The following KHDRBS2 variants were observed in gnomAD, a reference collection of about 807,000 sequenced individuals.
The protein encoded by KHDRBS2 is KH RNA binding domain containing, signal transduction associated 2, also known as KH domain-containing, RNA-binding, signal transduction-associated protein 2.
In KHDRBS2, 26 loss-of-function variants were observed where a neutral mutation model predicts 44.3. The observed-to-expected ratio is 0.59, with a 90% CI of 0.43 to 0.81. KHDRBS2 has a LOEUF of 0.81. KHDRBS2 is among the 40% of genes least tolerant of loss of function. The pLI is 0.00. For synonymous variants in KHDRBS2, 194 were observed against 151.1 expected (o/e 1.28, Z -2.08); for missense variants, 476 against 433.1 (o/e 1.10, Z -0.88).
intron 6 of KHDRBS2, among the ~76,000 whole-genome samples, chr6:61,767,491 A>C (rs1780186947): frequency 6.6e-6 from 1 of 151,912 alleles, no homozygotes; most frequent in Non-Finnish European, 1.5e-5. Flanking sequence ...ATTTACTCCT[A>C]ATTTGTTTTT....
rs144808531 is a variant in KHDRBS2, at chr6:61,920,391, G to A, written c.484-19020C>T. 4.6e-5 allele frequency among the ~76,000 whole-genome samples: 7 copies of A among 151,990 alleles called. 1 individual carries two copies. In the East Asian group the frequency reaches 1.4e-3, roughly 29 times the overall value. On this transcript the variant is annotated intron_variant, in intron 4 of 8. Coordinates refer to ENST00000281156, the MANE Select transcript of KHDRBS2 (RefSeq NM_152688.4). The stretch of plus-strand genomic sequence containing the variant: ...CTCAAAATGGTATCTAGCACATACT[G>A]AGCACCTGATAAATGTTAGTTCTTA...
chr6:61,757,135 A>G (rs1438295916), intron 6 of KHDRBS2, among the ~76,000 whole-genome samples: 2 of 152,114 alleles, frequency 1.3e-5, no homozygotes, highest in Non-Finnish European at 2.9e-5. Context: ...AAATATGTAT[A>G]TTCTGCTGCT....
At chr6:61,868,069 G>T (rs567346529) in intron 6 of KHDRBS2, among the ~76,000 whole-genome samples, 19 of 152,118 alleles carry the variant, frequency 1.2e-4, no homozygotes, top group Non-Finnish European at 2.8e-4. Context: ...TGCCCAAACA[G>T]CAAATGTGGC....
At chr6:62,092,583 G>A (rs1283926134) in intron 2 of KHDRBS2, among the ~76,000 whole-genome samples, 1 of 152,106 alleles carries the variant, frequency 6.6e-6, no homozygotes, top group Non-Finnish European at 1.5e-5. Context: ...TTGTCTACCT[G>A]ACTTAAGTAA....
At chr6:61,583,708 T>A in the KHDRBS2 span, among the ~76,000 whole-genome samples, 1 of 151,782 alleles carries the variant, frequency 6.6e-6, no homozygotes, top group Admixed American at 6.6e-5. Context: ...TTTGTTTTTT[T>A]AAAATAAATT....
chr6:61,674,074 G>T, the KHDRBS2 span, among the ~76,000 whole-genome samples: 1 of 151,678 alleles, frequency 6.6e-6, no homozygotes, highest in Non-Finnish European at 1.5e-5. Context: ...CATGTGAGTG[G>T]TTTTCTTAAA....
chr6:61,819,739 A>C (rs1006986550), intron 6 of KHDRBS2, among the ~76,000 whole-genome samples: 2 of 152,040 alleles, frequency 1.3e-5, no homozygotes, highest in Non-Finnish European at 1.5e-5. Context: ...AAACAAATGA[A>C]CATGATAATT....
intron 4 of KHDRBS2, among the ~76,000 whole-genome samples, chr6:61,943,140 A>G (rs1812505543): frequency 6.6e-6 from 1 of 151,946 alleles, no homozygotes; most frequent in Admixed American, 6.5e-5. Flanking sequence ...AGAAAGAAAT[A>G]AAACCTGATA....
chr6:62,259,670 T>C (rs1383045984), intron 1 of KHDRBS2, among the ~76,000 whole-genome samples: 1 of 151,994 alleles, frequency 6.6e-6, no homozygotes, highest in African/African-American at 2.4e-5. Context: ...TCTGATCACC[T>C]GATTAAATAA....
rs1244194809 is a variant in KHDRBS2 at position 61,978,089 on chromosome 6, C to T, written c.460G>A (p.Glu154Lys). Residue 154 changes from glutamate to lysine, a missense_variant, in exon 4 of 9, where the codon GAG becomes AAG. Transcript: ENST00000281156. ...AYSRMSHALE[E>K]IKKFLVPDYN... ...ACAGGAACCAGGAATTTTTTAATCTCTTCCAATGCATGACTCATACGTGAA... is the reference window on the plus strand; with the variant it reads ...ACAGGAACCAGGAATTTTTTAATCTTTTCCAATGCATGACTCATACGTGAA... The T allele has an allele frequency of 6.2e-7, 1 of 1,604,042 alleles. No individual in the cohort carries two copies. Among genetic ancestry groups the T allele is most frequent in the Non-Finnish European group, 8.5e-7 (1 of 1,176,534 alleles).
At chr6:62,256,804 T>C (rs1837461577) in intron 1 of KHDRBS2, among the ~76,000 whole-genome samples, 1 of 152,080 alleles carries the variant, frequency 6.6e-6, no homozygotes, top group Admixed American at 6.6e-5. Context: ...CTATATGGAA[T>C]ATGGGAACAG....
At chr6:61,586,415 A>G in the KHDRBS2 span, among the ~76,000 whole-genome samples, 1 of 151,986 alleles carries the variant, frequency 6.6e-6, no homozygotes, top group Non-Finnish European at 1.5e-5. Flanking sequence ...TTTCCACCTC[A>G]CTTCTGGGAC....
chr6:61,980,891 C>T (rs1285502677), intron 3 of KHDRBS2, among the ~76,000 whole-genome samples: 5 of 152,208 alleles, frequency 3.3e-5, no homozygotes, highest in African/African-American at 1.2e-4. Context: ...TTGTGTACTA[C>T]AGTTCACCTT....
intron 3 of KHDRBS2, among the ~76,000 whole-genome samples, chr6:62,030,757 T>C (rs1784201836): frequency 6.6e-6 from 1 of 152,124 alleles, no homozygotes; most frequent in African/African-American, 2.4e-5. Context: ...ATTATATAAA[T>C]GTCCTTGTGC....
At chr6:61,932,417 C>A (rs1810235517) in intron 4 of KHDRBS2, among the ~76,000 whole-genome samples, 1 of 152,146 alleles carries the variant, frequency 6.6e-6, no homozygotes, top group African/African-American at 2.4e-5. Flanking sequence ...TGACCAACAT[C>A]TCTCTCTCCG....
At position 61,774,451 on chromosome 6, in the gene KHDRBS2, C is replaced by G. The variant is rs547184229; in HGVS notation, c.811-41687G>C. Among the ~76,000 whole-genome samples, 6 of 152,174 alleles carry G rather than the reference C, an allele frequency of 3.9e-5. No homozygotes were observed. The East Asian group carries it at 1.2e-3, about 30-fold the overall frequency. On this transcript the variant is annotated intron_variant, in intron 6 of 8. Coordinates refer to ENST00000281156, the MANE Select transcript of KHDRBS2 (RefSeq NM_152688.4). The stretch of plus-strand genomic sequence containing the variant: ...CTGATAAGCAACTTCAGCAAAGTCT[C>G]AGGATACAAAATCAATGTACAAAAA...
intron 1 of KHDRBS2, among the ~76,000 whole-genome samples, chr6:62,220,657 G>A (rs2150151965): frequency 6.6e-6 from 1 of 151,770 alleles, no homozygotes; most frequent in Admixed American, 6.6e-5. Flanking sequence ...ATTACATATT[G>A]TAATTTCTAG....
rs144129123 is a variant in KHDRBS2, at chr6:62,261,475, T to C, written c.91+24383A>G. Among the ~76,000 whole-genome samples, 387 of 152,012 alleles carry C rather than the reference T, an allele frequency of 2.5e-3. 3 individuals are homozygous for C. Among genetic ancestry groups the C allele is most frequent in the African/African-American group, 8.5e-3 (353 of 41,538 alleles). On this transcript the variant is annotated intron_variant, in intron 1 of 8. Transcript: ENST00000281156. ...GCTAAAATAATACCAAAAAGCATTA[T>C]ATAAAGTGTCCTATGACTAAAGAGA...
chr6:62,077,011 G>T (rs1284920857), intron 2 of KHDRBS2, among the ~76,000 whole-genome samples: 2 of 151,766 alleles, frequency 1.3e-5, no homozygotes, highest in African/African-American at 4.8e-5. Context: ...CCATCACTCT[G>T]CTCCACCCTG....
Sources: allele counts gnomAD v4.1 joint callset (sites outside exome capture counted in the v4.1 genomes callset), GRCh38; gene constraint gnomAD v4.1.1; transcripts MANE v1.5; gene names NCBI Gene and HGNC (gene_info 2026-07-23, HGNC 2026-07-21).